PPP3R1: variants seen among roughly 807,000 people sequenced by gnomAD.
PPP3R1 encodes protein phosphatase 3 regulatory subunit B, alpha, also known as calcineurin subunit B type 1.
PPP3R1 carries 5 observed loss-of-function variants against 22.6 expected under a neutral mutation model. The observed-to-expected ratio is 0.22, with a 90% CI of 0.12 to 0.46. PPP3R1 has a LOEUF of 0.46. Among genes scored for constraint, PPP3R1 ranks in the 20% least tolerant of loss-of-function variants. PPP3R1 has a pLI of 0.99. For missense variants in PPP3R1, 61 were observed against 203.2 expected (o/e 0.30, Z 4.25); for synonymous variants, 56 against 65.2 (o/e 0.86, Z 0.68).
intron 5 of PPP3R1, among the ~76,000 whole-genome samples, chr2:68,181,994 TTGA>T (rs1674415421): frequency 1.3e-5 from 2 of 151,842 alleles, no homozygotes; most frequent in Non-Finnish European, 2.9e-5. Flanking sequence ...TGTCCACAGT[TTGA>T]TGAATTTTCA....
chr2:68,226,098 T>C (rs1191346583), intron 1 of PPP3R1, among the ~76,000 whole-genome samples: 3 of 152,184 alleles, frequency 2.0e-5, no homozygotes, highest in Non-Finnish European at 4.4e-5. Context: ...ATGTGCTGTA[T>C]GGTTCCATTT....
intron 2 of PPP3R1, among the ~76,000 whole-genome samples, chr2:68,196,238 T>C (rs527528638): frequency 1.3e-5 from 2 of 152,144 alleles, no homozygotes; most frequent in Non-Finnish European, 2.9e-5. Flanking sequence ...CTTAAAAGCT[T>C]TACAGTTTTT....
rs570189884 is a variant in PPP3R1, at chr2:68,201,861, A to G, written c.44-13171T>C. ...AGAAGTCCAATGCCAGCGGACTCCTATTCTTTTTAGGTAACAACTTCTATG... is the reference window on the plus strand; with the variant it reads ...AGAAGTCCAATGCCAGCGGACTCCTGTTCTTTTTAGGTAACAACTTCTATG... On this transcript the variant is annotated intron_variant, in intron 2 of 5. Coordinates refer to ENST00000234310, the MANE Select transcript of PPP3R1 (RefSeq NM_000945.4). 1.1e-4 allele frequency among the ~76,000 whole-genome samples: 16 copies of G among 152,308 alleles called. No homozygotes were observed. The South Asian group carries it at 2.3e-3, about 22-fold the overall frequency.
chr2:68,211,980 G>C (rs1016636682), intron 2 of PPP3R1, among the ~76,000 whole-genome samples: 1 of 152,148 alleles, frequency 6.6e-6, no homozygotes, highest in Non-Finnish European at 1.5e-5. Context: ...ATGAAGACTG[G>C]AATCAACTTC....
At chr2:68,207,748 C>T (rs775124544) in intron 2 of PPP3R1, among the ~76,000 whole-genome samples, 4 of 152,312 alleles carry the variant, frequency 2.6e-5, no homozygotes, top group East Asian at 1.9e-4. Flanking sequence ...CAGACCTCTG[C>T]ACCTCTTTCT....
chr2:68,200,244 AATG>A (rs201616940), intron 2 of PPP3R1, among the ~76,000 whole-genome samples: 3,827 of 152,266 alleles, frequency 0.025, 146 homozygotes, highest in African/African-American at 0.084. Context: ...AAGGATCTGC[AATG>A]ATTTCAGTGC....
intron 1 of PPP3R1, among the ~76,000 whole-genome samples, chr2:68,230,148 G>A (rs6711175): frequency 0.74 from 113,166 of 151,952 alleles, 43,177 homozygotes; most frequent in African/African-American, 0.93. Flanking sequence ...ACTCGCCACC[G>A]TGCCCAGCTA....
At chr2:68,246,067 C>CTTTTTTTTTTTTTTT (rs746584723) in intron 1 of PPP3R1, among the ~76,000 whole-genome samples, 69 of 73,806 alleles carry the variant, frequency 9.3e-4, no homozygotes, top group Non-Finnish European at 1.2e-3. Flanking sequence ...TTCTTTCTTT[C>CTTTTTTTTTTTTTTT]TTTTTTTTTT....
chr2:68,217,110 A>G lies in PPP3R1; in HGVS notation c.25T>C (p.Leu9=). 4.4e-6 allele frequency: 7 copies of G among 1,596,940 alleles called. No individual in the cohort carries two copies. The highest frequency in any genetic ancestry group is 6.0e-6 in the Non-Finnish European group (7 of 1,168,674). The change falls in exon 2 of 6, where the codon TTG becomes CTG. Residue 9 remains leucine (L), a synonymous_variant. Coordinates refer to ENST00000234310, the MANE Select transcript of PPP3R1 (RefSeq NM_000945.4). ...GACTTACAGTGTGAGCACATTTCCA[A>G]AGGATAACTTGCCTCATTTCCCTGG... MGNEASYP[L]EMCSHFDADE...
chr2:68,200,575 GGAGT>G (rs1386479192), intron 2 of PPP3R1, among the ~76,000 whole-genome samples: 1 of 152,180 alleles, frequency 6.6e-6, no homozygotes, highest in Non-Finnish European at 1.5e-5. Flanking sequence ...ACAAACCCAA[GGAGT>G]GAGGTAAGCT....
At chr2:68,245,112 T>C (rs1670210306) in intron 1 of PPP3R1, among the ~76,000 whole-genome samples, 1 of 152,224 alleles carries the variant, frequency 6.6e-6, no homozygotes, top group African/African-American at 2.4e-5. Context: ...GGTTCACGAC[T>C]GTAATCCCAG....
chr2:68,223,737 CATATGTA>C (rs892830175), intron 1 of PPP3R1, among the ~76,000 whole-genome samples: 5 of 145,448 alleles, frequency 3.4e-5, no homozygotes, highest in African/African-American at 1.0e-4. Context: ...CAAAAAGTGT[CATATGTA>C]ATAAGATTCT....
chr2:68,217,138 GGAAA>G lies in PPP3R1; in HGVS notation c.4-11_4-8del. The G allele has an allele frequency of 1.9e-6, 3 of 1,580,126 alleles. No individual in the cohort carries two copies. Among genetic ancestry groups the G allele is most frequent in the Non-Finnish European group, 1.7e-6 (2 of 1,157,052 alleles). On this transcript the variant is annotated splice_polypyrimidine_tract_variant and splice_region_variant and intron_variant, in intron 1 of 5. Transcript: ENST00000234310. ...GATAACTTGCCTCATTTCCCTGGGG[GGAAA>G]GAAAGAAATAATTAGTCATAAAATA...
intron 2 of PPP3R1, among the ~76,000 whole-genome samples, chr2:68,197,405 A>G (rs1010955318): frequency 1.3e-5 from 2 of 152,206 alleles, no homozygotes; most frequent in African/African-American, 4.8e-5. Context: ...TTATATGGAT[A>G]TACCACAATT....
intron 2 of PPP3R1, among the ~76,000 whole-genome samples, chr2:68,209,154 C>G (rs1483319022): frequency 1.3e-5 from 2 of 149,194 alleles, no homozygotes; most frequent in African/African-American, 4.9e-5. Context: ...GTCAGGAGAT[C>G]GAGAACATCC....
chr2:68,229,605 T>C (rs889322284), intron 1 of PPP3R1, among the ~76,000 whole-genome samples: 1 of 152,202 alleles, frequency 6.6e-6, no homozygotes, highest in African/African-American at 2.4e-5. Flanking sequence ...CTATGTCTTC[T>C]TAGTGGATTG....
intron 2 of PPP3R1, among the ~76,000 whole-genome samples, chr2:68,208,791 C>T (rs970242080): frequency 2.0e-5 from 3 of 151,804 alleles, no homozygotes; most frequent in Non-Finnish European, 2.9e-5. Flanking sequence ...GGTGTGGTGG[C>T]GCTCACCTGT....
chr2:68,235,500 A>G (rs1248547450), intron 1 of PPP3R1, among the ~76,000 whole-genome samples: 5 of 152,176 alleles, frequency 3.3e-5, no homozygotes, highest in African/African-American at 9.7e-5. Context: ...TTAGTCGAGT[A>G]TTTTCAAGGT....
chr2:68,223,056 T>C (rs996135237), intron 1 of PPP3R1, among the ~76,000 whole-genome samples: 3 of 152,204 alleles, frequency 2.0e-5, no homozygotes, highest in Admixed American at 2.0e-4. Flanking sequence ...ACTCATTTTA[T>C]GAAGCCAGCA....
Sources: gnomAD v4.1 joint callset for allele counts (sites outside exome capture counted in the v4.1 genomes callset) on GRCh38, gnomAD v4.1.1 for gene constraint, MANE v1.5 for transcripts, NCBI Gene and HGNC (gene_info 2026-07-23, HGNC 2026-07-21) for gene names.